The following MAPT variants were observed in gnomAD, a reference collection of about 807,000 sequenced individuals.
MAPT encodes the protein microtubule-associated protein tau.
MAPT carries 34 observed loss-of-function variants against 67.9 expected under a neutral mutation model. That is an observed-to-expected ratio of 0.50 (90% CI 0.38 to 0.67). MAPT has a LOEUF of 0.67. Among genes scored for constraint, MAPT ranks in the 30% least tolerant of loss-of-function variants. The pLI is 0.00. For missense variants in MAPT, 881 were observed against 1,115.2 expected (o/e 0.79, Z 2.99); for synonymous variants, 456 against 464.5 (o/e 0.98, Z 0.23).
intron 2 of MAPT, among the ~76,000 whole-genome samples, chr17:45,963,373 C>A (rs1313439934): frequency 6.6e-6 from 1 of 152,188 alleles, no homozygotes; most frequent in Non-Finnish European, 1.5e-5. Context: ...GCTGGCCCTT[C>A]ACCCACTGCT....
intron 1 of MAPT, among the ~76,000 whole-genome samples, chr17:45,907,029 A>T (rs958305221): frequency 1.3e-5 from 2 of 152,144 alleles, no homozygotes; most frequent in African/African-American, 4.8e-5. Context: ...CCATTGCCAA[A>T]TTCCTCCCAG....
rs572067485 is a variant in MAPT at position 45,907,708 on chromosome 17, C to T, written c.-18+13022C>T. On this transcript the variant is annotated intron_variant, in intron 1 of 12. Transcript: ENST00000262410. ...AAACATTCTATAATCGTTCCTTTGCCCTACTTCAGACCAACTTAACGCACT... is the reference window on the plus strand; with the variant it reads ...AAACATTCTATAATCGTTCCTTTGCTCTACTTCAGACCAACTTAACGCACT... The T allele has an allele frequency of 2.6e-5, 4 of 152,296 alleles. No homozygotes were observed. In the East Asian group the frequency reaches 7.7e-4, roughly 29 times the overall value. 9.4% of individuals were successfully genotyped at this position (152,296 alleles called of 1,614,324 possible).
At chr17:45,926,966 T>C (rs945094111) in intron 1 of MAPT, among the ~76,000 whole-genome samples, 4 of 150,732 alleles carry the variant, frequency 2.7e-5, no homozygotes, top group Admixed American at 6.6e-5. Context: ...TGTATATATA[T>C]ACATATATGT....
chr17:45,924,747 C>G (rs1287468596), intron 1 of MAPT, among the ~76,000 whole-genome samples: 1 of 152,252 alleles, frequency 6.6e-6, no homozygotes, highest in Non-Finnish European at 1.5e-5. Context: ...GGCCTGACAG[C>G]ATGTCCGCTG....
At chr17:45,919,409 C>T (rs2065487411) in intron 1 of MAPT, among the ~76,000 whole-genome samples, 2 of 152,252 alleles carry the variant, frequency 1.3e-5, no homozygotes, top group Admixed American at 1.3e-4. Context: ...GAGCCTCATC[C>T]CAGCCCCTTA....
chr17:45,993,666 G>A (rs970903808), intron 8 of MAPT, among the ~76,000 whole-genome samples: 3 of 152,150 alleles, frequency 2.0e-5, no homozygotes, highest in African/African-American at 7.2e-5. Flanking sequence ...CGCCCACCTC[G>A]GCCTCCCAAA....
intron 3 of MAPT, chr17:45,976,371 G>T (rs1340411291): frequency 6.6e-6 from 1 of 152,124 alleles, no homozygotes; most frequent in African/African-American, 2.4e-5. Flanking sequence ...CTGTGATGGG[G>T]GGTGGCCATG....
At chr17:45,950,087 T>G (rs2068909022) in intron 1 of MAPT, among the ~76,000 whole-genome samples, 1 of 151,156 alleles carries the variant, frequency 6.6e-6, no homozygotes, top group Non-Finnish European at 1.5e-5. Context: ...TTGGGGGGAG[T>G]TGGGTCACTG....
intron 1 of MAPT, among the ~76,000 whole-genome samples, chr17:45,918,820 G>T (rs970823643): frequency 6.6e-6 from 1 of 152,210 alleles, no homozygotes; most frequent in Admixed American, 6.5e-5. Flanking sequence ...CATTTTGGGA[G>T]GCCAAGGCCG....
rs1598250773 is a variant in MAPT at position 45,978,630 on chromosome 17, A to G, written c.286+190A>G. The G allele has an allele frequency of 1.4e-5, 8 of 590,062 alleles. No individual in the cohort carries two copies. In the East Asian group the frequency reaches 2.2e-4, roughly 16 times the overall value. 36.6% of individuals were successfully genotyped at this position (590,062 alleles called of 1,614,324 possible). A position where few individuals can be genotyped will look rare whatever the true frequency, so the allele number is the denominator to read the frequency against. ...GCCCTAGTGGTTTTTTTCTAATACC[A>G]TTTCTGGGTAATTCCTAAGGCATTT... On this transcript the variant is annotated intron_variant, in intron 4 of 12. Transcript: ENST00000262410.
At chr17:45,904,222 ATATATAT>A (rs1316319746) in intron 1 of MAPT, among the ~76,000 whole-genome samples, 2 of 45,286 alleles carry the variant, frequency 4.4e-5, no homozygotes, top group African/African-American at 1.6e-4. Flanking sequence ...TATATATATT[ATATATAT>A]TATATATTAT....
rs1306716029 is a variant in MAPT at position 45,991,547 on chromosome 17, G to A, written c.1693G>A (p.Ala565Thr). ...KGQANATRIP[A>T]KTPPAPKTPP... ...CCAGGCCAACGCCACCAGGATTCCA[G>A]CAAAAACCCCGCCCGCTCCAAAGAC... is the stretch of plus-strand genomic sequence containing the variant. Residue 565 changes from alanine to threonine, a missense_variant, in exon 8 of 13, where the codon GCA becomes ACA. Ala to Thr is a moderately conservative substitution (Grantham distance 58). This residue lies in a region of MAPT where 687 missense variants were observed against 766.1 expected (regional missense o/e 0.90). Coordinates refer to ENST00000262410, the MANE Select transcript of MAPT (RefSeq NM_001377265.1). 2 of 1,614,160 alleles carry A rather than the reference G, an allele frequency of 1.2e-6. No homozygotes were observed. Among genetic ancestry groups the A allele is most frequent in the South Asian group, 2.2e-5 (2 of 91,084 alleles).
intron 1 of MAPT, among the ~76,000 whole-genome samples, chr17:45,909,081 C>T (rs1022188189): frequency 6.6e-6 from 1 of 152,222 alleles, no homozygotes; most frequent in Non-Finnish European, 1.5e-5. Flanking sequence ...CTGCAGAGTG[C>T]GGGCACCTTG....
At chr17:45,912,732 T>C (rs1568149818) in intron 1 of MAPT, among the ~76,000 whole-genome samples, 1 of 152,240 alleles carries the variant, frequency 6.6e-6, no homozygotes, top group African/African-American at 2.4e-5. Context: ...TCCCATGCAA[T>C]GTTTGTGACA....
At chr17:45,930,112 A>G (rs1367989955) in intron 1 of MAPT, among the ~76,000 whole-genome samples, 1 of 152,206 alleles carries the variant, frequency 6.6e-6, no homozygotes, top group Non-Finnish European at 1.5e-5. Flanking sequence ...ACTGAAAACT[A>G]AAGGAAGATG....
At chr17:45,999,333 G>A (rs2074789972) in intron 9 of MAPT, 1 of 1,613,994 alleles carries the variant, frequency 6.2e-7, no homozygotes. Flanking sequence ...CCACAAGACT[G>A]TGCAGGTGGC....
chr17:45,900,857 G>A (rs144273442), intron 1 of MAPT, among the ~76,000 whole-genome samples: 212 of 152,262 alleles, frequency 1.4e-3, no homozygotes, highest in African/African-American at 4.7e-3. Context: ...TGTCTCACGG[G>A]TTGCCATGGG....
chr17:45,965,811 C>A (rs777582532), intron 2 of MAPT, among the ~76,000 whole-genome samples: 2 of 152,200 alleles, frequency 1.3e-5, no homozygotes, highest in Admixed American at 1.3e-4. Context: ...AAGGGATCTA[C>A]CTCAGAATGC....
chr17:45,898,708 T>TATTTAGCA (rs1346318766), intron 1 of MAPT: 15 of 152,240 alleles, frequency 9.9e-5, no homozygotes, highest in Admixed American at 8.5e-4. Context: ...TTGATGTATT[T>TATTTAGCA]ATTTAGCATC....
Sources: gnomAD v4.1 joint callset for allele counts (sites outside exome capture counted in the v4.1 genomes callset) on GRCh38, gnomAD v4.1.1 for gene constraint, gnomAD v4.1.1 regional missense constraint, MANE v1.5 for transcripts, NCBI Gene and HGNC (gene_info 2026-07-23, HGNC 2026-07-21) for gene names.